The following INSYN2A variants were observed in gnomAD, a reference collection of about 807,000 sequenced individuals.
INSYN2A encodes inhibitory synaptic factor 2A, also known as family with sequence similarity 196 member A.
INSYN2A carries 17 observed loss-of-function variants against 39.4 expected under a neutral mutation model. The ratio of observed to expected loss-of-function variants is 0.43; its 90% CI spans 0.30 to 0.65. INSYN2A has a LOEUF of 0.65. Among genes scored for constraint, INSYN2A ranks in the 30% least tolerant of loss-of-function variants. The pLI, the probability that INSYN2A is intolerant of heterozygous loss-of-function variation, is 0.14. For synonymous variants in INSYN2A, 255 were observed against 265.7 expected, an observed-to-expected ratio of 0.96 and a Z score of 0.39; for missense variants, 595 against 631.2, an observed-to-expected ratio of 0.94 and a Z score of 0.61.
At chr10:127,177,377 C>T (rs1338738081) in intron 2 of INSYN2A, among the ~76,000 whole-genome samples, 1 of 152,178 alleles carries the variant, frequency 6.6e-6, no homozygotes, top group Non-Finnish European at 1.5e-5. Context: ...GGTAAAATGC[C>T]TTCACTTTAT....
At chr10:127,140,727 G>A (rs939377301) in intron 5 of INSYN2A, among the ~76,000 whole-genome samples, 4 of 139,136 alleles carry the variant, frequency 2.9e-5, no homozygotes, top group South Asian at 4.7e-4. Flanking sequence ...GAAGGTTAAC[G>A]GTCTGGCCAA....
chr10:127,170,296 C>T (rs1440175257), intron 4 of INSYN2A, among the ~76,000 whole-genome samples: 3 of 152,178 alleles, frequency 2.0e-5, no homozygotes, highest in Non-Finnish European at 2.9e-5. Context: ...CTTATCACTA[C>T]CTGCTGGTCA....
In INSYN2A at chr10:127,137,804, A is replaced by T. The variant is rs768340065; in HGVS notation, c.*33T>A. ...TTGACTTAAACTCCAGTGGGTTCTA[A>T]AGACGGCCTCGAGACTCCAGACACC... On this transcript the variant is annotated 3_prime_UTR_variant, in exon 6 of 6. Coordinates refer to ENST00000522781, the MANE Select transcript of INSYN2A (RefSeq NM_001039762.3). 6.3e-7 allele frequency: 1 copy of T among 1,588,200 alleles called. No individual in the cohort carries two copies. The highest frequency in any genetic ancestry group is 1.8e-5 in the Admixed American group (1 of 55,382).
intron 5 of INSYN2A, among the ~76,000 whole-genome samples, chr10:127,138,449 C>A (rs1592171144): frequency 6.6e-6 from 1 of 152,122 alleles, no homozygotes; most frequent in Non-Finnish European, 1.5e-5. Context: ...TGCAATGTAT[C>A]ACAAGATCAG....
intron 4 of INSYN2A, among the ~76,000 whole-genome samples, chr10:127,168,322 A>T (rs1476681411): frequency 6.6e-6 from 1 of 152,266 alleles, no homozygotes. Context: ...CAAGAATATT[A>T]GAAAATGAAG....
intron 2 of INSYN2A, among the ~76,000 whole-genome samples, chr10:127,187,855 G>T (rs2056426310): frequency 6.6e-6 from 1 of 152,146 alleles, no homozygotes; most frequent in South Asian, 2.1e-4. Flanking sequence ...AACTTCTGGA[G>T]GATGGAGACT....
intron 5 of INSYN2A, among the ~76,000 whole-genome samples, chr10:127,145,175 T>C (rs2051684530): frequency 6.6e-6 from 1 of 152,092 alleles, no homozygotes; most frequent in Non-Finnish European, 1.5e-5. Flanking sequence ...TCTAGGTGCC[T>C]GGGTCTGAGG....
At chr10:127,156,306 A>T (rs1018653577) in intron 4 of INSYN2A, among the ~76,000 whole-genome samples, 2 of 152,088 alleles carry the variant, frequency 1.3e-5, no homozygotes, top group African/African-American at 4.8e-5. Context: ...CATTATTCTT[A>T]GGCCCCAGGC....
chr10:127,168,449 A>G (rs2054274477), intron 4 of INSYN2A, among the ~76,000 whole-genome samples: 1 of 152,222 alleles, frequency 6.6e-6, no homozygotes, highest in African/African-American at 2.4e-5. Context: ...TGCTGCTCAC[A>G]ATGCCCTGCT....
chr10:127,179,974 C>T (rs946601063), intron 2 of INSYN2A, among the ~76,000 whole-genome samples: 1 of 152,102 alleles, frequency 6.6e-6, no homozygotes, highest in Non-Finnish European at 1.5e-5. Flanking sequence ...ATTGAGAAAC[C>T]GAGGCACACG....
chr10:127,177,570 C>G (rs2055286999), intron 2 of INSYN2A, among the ~76,000 whole-genome samples: 1 of 152,198 alleles, frequency 6.6e-6, no homozygotes, highest in Non-Finnish European at 1.5e-5. Flanking sequence ...GTGGCTGGAG[C>G]TGAGTGCCCA....
chr10:127,150,852 G>T (rs1457783308), intron 5 of INSYN2A, among the ~76,000 whole-genome samples: 1 of 152,186 alleles, frequency 6.6e-6, no homozygotes, highest in Non-Finnish European at 1.5e-5. Context: ...CCACTTTAAA[G>T]ACAGGAAAAT....
intron 2 of INSYN2A, among the ~76,000 whole-genome samples, chr10:127,180,037 C>G (rs986934289): frequency 6.6e-6 from 1 of 152,130 alleles, no homozygotes; most frequent in Non-Finnish European, 1.5e-5. Context: ...TGGGCCACAC[C>G]CATTGAAACA....
At chr10:127,139,203 A>T (rs905098867) in intron 5 of INSYN2A, among the ~76,000 whole-genome samples, 3 of 152,220 alleles carry the variant, frequency 2.0e-5, no homozygotes, top group African/African-American at 7.2e-5. Context: ...ATTTATAAAC[A>T]TGAAATCCTA....
At chr10:127,173,979 C>A (rs562418489) in intron 4 of INSYN2A, among the ~76,000 whole-genome samples, 1 of 152,200 alleles carries the variant, frequency 6.6e-6, no homozygotes, top group African/African-American at 2.4e-5. Context: ...CAGGGCAGGA[C>A]CTGCCCCAGC....
At chr10:127,188,964 C>T (rs980143231) in intron 2 of INSYN2A, among the ~76,000 whole-genome samples, 4 of 152,172 alleles carry the variant, frequency 2.6e-5, no homozygotes, top group African/African-American at 9.7e-5. Flanking sequence ...GAGCCTGTTA[C>T]CGCACCACCA....
At position 127,196,526 on chromosome 10, in the gene INSYN2A, G is replaced by C. The variant is rs1303309008; in HGVS notation, c.-924C>G. Among the ~76,000 whole-genome samples, 1 of 147,888 alleles carries C rather than the reference G, an allele frequency of 6.8e-6. No homozygotes were observed. Among genetic ancestry groups the C allele is most frequent in the Non-Finnish European group, 1.5e-5 (1 of 66,612 alleles). ...TCCGCGGAGCCGGGCGGCCAGAGGC[G>C]AGGGCGCCCCAAGCCGCGCGCCTGC... is the stretch of plus-strand genomic sequence containing the variant. On this transcript the variant is annotated 5_prime_UTR_variant, in exon 1 of 6. Transcript: ENST00000522781.
At chr10:127,184,195 C>A (rs2055999267) in intron 2 of INSYN2A, among the ~76,000 whole-genome samples, 1 of 152,126 alleles carries the variant, frequency 6.6e-6, no homozygotes, top group African/African-American at 2.4e-5. Flanking sequence ...ATGTTAAAGG[C>A]AGGACTGGAC....
At chr10:127,184,321 C>CA (rs2056020098) in intron 2 of INSYN2A, among the ~76,000 whole-genome samples, 1 of 151,042 alleles carries the variant, frequency 6.6e-6, no homozygotes, top group East Asian at 1.9e-4. Context: ...ATTCCCCCCC[C>CA]AGTCTAATCC....
Sources: gnomAD v4.1 joint callset for allele counts (sites outside exome capture counted in the v4.1 genomes callset) on GRCh38, gnomAD v4.1.1 for gene constraint, MANE v1.5 for transcripts, NCBI Gene and HGNC (gene_info 2026-07-23, HGNC 2026-07-21) for gene names.